NEK11: variants seen among roughly 807,000 people sequenced by gnomAD.
NEK11 encodes the protein serine/threonine-protein kinase Nek11.
Under a neutral mutation model 80.7 loss-of-function variants are expected in NEK11, and 72 were observed. The ratio of observed to expected loss-of-function variants is 0.89; its 90% CI spans 0.74 to 1.08. The LOEUF (loss-of-function observed/expected upper bound fraction) is 1.08, where lower values mean the gene tolerates loss of function less well. Among genes scored for constraint, NEK11 ranks in the 50% least tolerant of loss-of-function variants. The pLI, the probability that NEK11 is intolerant of heterozygous loss-of-function variation, is 0.00. For synonymous variants in NEK11, 251 were observed against 260.7 expected (o/e 0.96, Z 0.36); for missense variants, 764 against 763.6 (o/e 1.00, Z -0.01).
rs746069554 is a variant in NEK11 at position 131,162,465 on chromosome 3, G to T, written c.1020G>T (p.Thr340=). Residue 340 remains threonine (T), a synonymous_variant, in exon 11 of 18, where the codon ACG becomes ACT. Coordinates refer to ENST00000383366, the MANE Select transcript of NEK11 (RefSeq NM_024800.5). ...LRALSEVQKM[T]PRERMRLRKL... is the part of the protein sequence containing the mutation. ...CACTGTCAGAAGTACAGAAAATGAC[G>T]CCAAGAGAAAGGATGCGGCTGAGGA... The T allele has an allele frequency of 1.2e-6, 2 of 1,614,084 alleles. No individual in the cohort carries two copies. The highest frequency in any genetic ancestry group is 2.2e-5 in the South Asian group (2 of 91,076).
intron 5 of NEK11, among the ~76,000 whole-genome samples, chr3:131,116,598 TAA>T (rs2081277269): frequency 6.6e-6 from 1 of 152,210 alleles, no homozygotes. Flanking sequence ...ACCAACAGTG[TAA>T]AAGTGTTCCT....
Position 131,133,876 on chromosome 3 carries a change from C to T in NEK11, c.567C>T (p.Ala189=). 1 of 1,612,138 alleles carries T rather than the reference C, an allele frequency of 6.2e-7. No individual in the cohort carries two copies. Among genetic ancestry groups the T allele is most frequent in the Non-Finnish European group, 8.5e-7 (1 of 1,178,718 alleles). Residue 189 remains alanine, a synonymous_variant, in exon 7 of 18, where the codon GCC becomes GCT. Transcript: ENST00000383366. ...TTCTAATGGGATCCTGTGACCTGGC[C>T]ACAACTTTAACTGGAACTCCCCATT... is the stretch of plus-strand genomic sequence containing the variant. The part of the protein sequence containing the change: ...SRLLMGSCDL[A]TTLTGTPHYM...
chr3:131,259,751 G>A lies in NEK11; in HGVS notation c.1622-13727G>A, dbSNP rs189931582. ...TCATTAAAGGTTGCTACTTGGAGGG[G>A]CATGATTTGGGGGAAGGCAGCTTTC... On this transcript the variant is annotated intron_variant, in intron 16 of 17. Transcript: ENST00000383366. 1.1e-4 allele frequency among the ~76,000 whole-genome samples: 16 copies of A among 152,276 alleles called. No individual in the cohort carries two copies. In the East Asian group the frequency reaches 2.7e-3, roughly 26 times the overall value.
At chr3:131,105,829 A>C (rs111369469) in intron 4 of NEK11, among the ~76,000 whole-genome samples, 2 of 152,328 alleles carry the variant, frequency 1.3e-5, no homozygotes, top group African/African-American at 2.4e-5. Flanking sequence ...TCTAATATCC[A>C]GTCAGTTTTT....
At chr3:131,119,763 T>C (rs936548963) in intron 5 of NEK11, among the ~76,000 whole-genome samples, 1 of 152,092 alleles carries the variant, frequency 6.6e-6, no homozygotes, top group Non-Finnish European at 1.5e-5. Context: ...TTGGTTTAAA[T>C]TCTGTTTTAT....
chr3:131,170,613 T>C (rs1435001814), intron 13 of NEK11, among the ~76,000 whole-genome samples, 160 bp from the exon 14 acceptor site: 1 of 152,214 alleles, frequency 6.6e-6, no homozygotes, highest in Non-Finnish European at 1.5e-5. Flanking sequence ...GGGCTGTTTC[T>C]CTTATCCCAC....
intron 17 of NEK11, among the ~76,000 whole-genome samples, chr3:131,283,747 G>C (rs1444911667): frequency 6.6e-6 from 1 of 152,152 alleles, no homozygotes; most frequent in African/African-American, 2.4e-5. Context: ...TAAAAGGTCA[G>C]TATCAGGCAG....
At chr3:131,166,471 T>C (rs1013572953) in intron 12 of NEK11, among the ~76,000 whole-genome samples, 4 of 152,204 alleles carry the variant, frequency 2.6e-5, no homozygotes, top group African/African-American at 7.2e-5. Flanking sequence ...AATGCATCTT[T>C]CTCAATTATT....
rs1308604320 is a variant in NEK11 at position 131,029,694 on chromosome 3, C to T, written c.-15C>T. The stretch of plus-strand genomic sequence containing the variant: ...TTCTATAAATGAATGAACCAGTTCT[C>T]TCTTGTTTGGAGCAATGCTGAAATT... On this transcript the variant is annotated 5_prime_UTR_variant, in exon 3 of 18. Transcript: ENST00000383366. 6.2e-7 allele frequency: 1 copy of T among 1,612,374 alleles called. No individual in the cohort carries two copies. Among genetic ancestry groups the T allele is most frequent in the Non-Finnish European group, 8.5e-7 (1 of 1,178,752 alleles).
chr3:131,236,308 G>A (rs928831894), intron 15 of NEK11, among the ~76,000 whole-genome samples: 1 of 152,172 alleles, frequency 6.6e-6, no homozygotes, highest in Admixed American at 6.5e-5. Flanking sequence ...GGCCTCACCA[G>A]TTCCTGGAAA....
intron 17 of NEK11, among the ~76,000 whole-genome samples, chr3:131,318,824 CTAT>C (rs2096869908): frequency 6.6e-6 from 1 of 151,114 alleles, no homozygotes; most frequent in African/African-American, 2.4e-5. Context: ...ATTACAAAAA[CTAT>C]TTTGGTAGAA....
chr3:131,080,039 T>TTCTGTG (rs1553850210), intron 3 of NEK11, among the ~76,000 whole-genome samples: 1 of 148,852 alleles, frequency 6.7e-6, no homozygotes, highest in Non-Finnish European at 1.5e-5. Context: ...GTGTGTGTGT[T>TTCTGTG]TGTGTGTGTG....
intron 17 of NEK11, among the ~76,000 whole-genome samples, chr3:131,287,430 C>T (rs1377861761): frequency 7.2e-5 from 11 of 152,168 alleles, no homozygotes; most frequent in Admixed American, 2.6e-4. Context: ...TGCGCCACCA[C>T]GCCTGGCTAA....
intron 4 of NEK11, 105 bp from the exon 5 acceptor site, chr3:131,109,698 G>A (rs1470195193): frequency 2.2e-5 from 25 of 1,136,904 alleles, no homozygotes; most frequent in Non-Finnish European, 2.8e-5. Flanking sequence ...TTACAGAATG[G>A]CACTTTCTTA....
chr3:131,332,148 G>T (rs180904004), intron 17 of NEK11, among the ~76,000 whole-genome samples: 4 of 152,184 alleles, frequency 2.6e-5, no homozygotes, highest in African/African-American at 7.2e-5. Context: ...ATCTGAGAAC[G>T]GGCAGACTGC....
At chr3:131,086,303 G>A (rs1419893507) in intron 4 of NEK11, among the ~76,000 whole-genome samples, 1 of 151,998 alleles carries the variant, frequency 6.6e-6, no homozygotes, top group East Asian at 1.9e-4. Flanking sequence ...CAGTGAAGTT[G>A]CCTGTGGCGA....
chr3:131,238,336 G>T (rs2108006947), intron 15 of NEK11, among the ~76,000 whole-genome samples: 1 of 152,258 alleles, frequency 6.6e-6, no homozygotes, highest in South Asian at 2.1e-4. Flanking sequence ...ATGAAAGCCA[G>T]TAGAGCAGAT....
rs1379451649 is a variant in NEK11, at chr3:131,188,568, G to A, written c.1399+17681G>A. The stretch of plus-strand genomic sequence containing the variant: ...GGAATTTTACATTGCTGTTATCCTT[G>A]TACTTTGTAAGTACCATTATATCCT... On this transcript the variant is annotated intron_variant, in intron 14 of 17. Transcript: ENST00000383366. 2.6e-5 allele frequency among the ~76,000 whole-genome samples: 4 copies of A among 152,008 alleles called. No homozygotes were observed. In the South Asian group the frequency reaches 8.3e-4, roughly 32 times the overall value.
Position 131,171,182 on chromosome 3 carries a change from A to G in NEK11, c.1399+295A>G, listed in dbSNP as rs550753259. On this transcript the variant is annotated intron_variant, in intron 14 of 17. Transcript: ENST00000383366. ...GTTAAGCTGACTTTGGAATTGTGCA[A>G]ACTCCGAATACTCTGGAGCACTGTG... is the stretch of plus-strand genomic sequence containing the variant. Among the ~76,000 whole-genome samples the G allele has an allele frequency of 2.6e-4, 39 of 152,290 alleles. No individual in the cohort carries two copies. In the South Asian group the frequency reaches 4.8e-3, roughly 19 times the overall value.
Sources: gnomAD v4.1 joint callset for allele counts (sites outside exome capture counted in the v4.1 genomes callset) on GRCh38, gnomAD v4.1.1 for gene constraint, MANE v1.5 for transcripts, NCBI Gene and HGNC (gene_info 2026-07-23, HGNC 2026-07-21) for gene names.